The following HHLA1 variants were observed in gnomAD, a reference collection of about 807,000 sequenced individuals.
HHLA1 encodes HERV-H LTR-associating protein 1.
A neutral mutation model predicts 69.9 loss-of-function variants in HHLA1; 72 were observed. The observed-to-expected ratio is 1.03, with a 90% CI of 0.85 to 1.25. The LOEUF (loss-of-function observed/expected upper bound fraction) is 1.25, where lower values mean the gene tolerates loss of function less well. Ranked by LOEUF, HHLA1 falls within the 50% of genes most tolerant of loss-of-function variation. The pLI is 0.00. For missense variants in HHLA1, 685 were observed against 642.2 expected (o/e 1.07, Z -0.72); for synonymous variants, 252 against 233.2 (o/e 1.08, Z -0.73).
chr8:132,092,009 CAAATT>C (rs1325383205), intron 7 of HHLA1, among the ~76,000 whole-genome samples: 20 of 152,144 alleles, frequency 1.3e-4, no homozygotes, highest in African/African-American at 3.9e-4. Flanking sequence ...CAAGAGGAGA[CAAATT>C]AAATAAATCA....
rs571822545 is a variant in HHLA1, at chr8:132,069,898, C to T, written c.1469+1442G>A. ...AAAGGATCTCCTAAAGTGGGCTTAA[C>T]CTAGACAATACAGAAAGTATTGTCG... On this transcript the variant is annotated intron_variant, in intron 15 of 16. Transcript: ENST00000414222. The T allele has an allele frequency of 3.8e-4, 58 of 154,610 alleles. 1 individual carries two copies. Among genetic ancestry groups the T allele is most frequent in the Middle Eastern group, 6.6e-3 (2 of 304 alleles). 9.6% of individuals were successfully genotyped at this position (154,610 alleles called of 1,614,324 possible). A position where few individuals can be genotyped will look rare whatever the true frequency, so the allele number is the denominator to read the frequency against.
At chr8:132,101,529 A>T (rs1268895199) in intron 3 of HHLA1, among the ~76,000 whole-genome samples, 1 of 152,142 alleles carries the variant, frequency 6.6e-6, no homozygotes, top group African/African-American at 2.4e-5. Flanking sequence ...TAATTTATTA[A>T]AATTCATTTA....
intron 14 of HHLA1, among the ~76,000 whole-genome samples, chr8:132,072,052 GA>G (rs1823555715): frequency 6.6e-6 from 1 of 152,156 alleles, no homozygotes; most frequent in Admixed American, 6.6e-5. Flanking sequence ...AGGGCAGGTT[GA>G]AAGATGAGAC....
intron 10 of HHLA1, among the ~76,000 whole-genome samples, chr8:132,086,104 G>T (rs1823856279): frequency 6.6e-6 from 1 of 152,086 alleles, no homozygotes; most frequent in South Asian, 2.1e-4. Flanking sequence ...TAATTCAGAG[G>T]GAAATCTACC....
chr8:132,083,482 A>G (rs1347810302), intron 10 of HHLA1, among the ~76,000 whole-genome samples: 2 of 152,116 alleles, frequency 1.3e-5, no homozygotes, highest in South Asian at 2.1e-4. Context: ...CTTCCGAGGC[A>G]ATCGGGCAGT....
intron 10 of HHLA1, chr8:132,080,217 C>G: frequency 1.7e-6 from 1 of 585,984 alleles, no homozygotes; most frequent in Non-Finnish European, 3.2e-6. Flanking sequence ...CCTCCATATG[C>G]CTTATGGATA....
chr8:132,077,791 A>C lies in HHLA1; in HGVS notation c.1106T>G (p.Leu369Arg), dbSNP rs1045649481. 3.3e-5 allele frequency: 51 copies of C among 1,551,522 alleles called. No individual in the cohort carries two copies. Among genetic ancestry groups the C allele is most frequent in the Non-Finnish European group, 4.4e-5 (50 of 1,146,984 alleles). The change falls in exon 12 of 17, where the codon CTT becomes CGT. Residue 369 changes from leucine to arginine, a missense_variant. By Grantham distance (102) the Leu-to-Arg change is moderately radical (BLOSUM62 -2). Transcript: ENST00000414222. The part of the protein sequence containing the change: ...GTEEAMNTTS[L>R]LAPAAEIMAT... ...CATTATCTCAGCAGCAGGCGCCAAAAGGCTTGTAGTGTTCATGGCTTCCTC... is the reference window on the plus strand; with the variant it reads ...CATTATCTCAGCAGCAGGCGCCAAACGGCTTGTAGTGTTCATGGCTTCCTC...
chr8:132,098,899 A>G lies in HHLA1; in HGVS notation c.263T>C (p.Leu88Pro). The G allele has an allele frequency of 6.5e-7, 1 of 1,550,338 alleles. No homozygotes were observed. Residue 88 changes from leucine to proline, a missense_variant, in exon 5 of 17, where the codon CTC (leucine) becomes CCC (proline). Physicochemically the swap from Leu to Pro is moderately conservative, Grantham distance 98 (BLOSUM62 -3). Transcript: ENST00000414222. ...LNLTELVNGM[L>P]SRALKDSKKF... ...ATGATTACCTTTTAACGCTCTACTG[A>G]GCATCCCATTCACAAGCTCTGTCAG... is the stretch of plus-strand genomic sequence containing the variant.
chr8:132,080,707 A>G (rs1429251951), intron 10 of HHLA1: 1 of 152,626 alleles, frequency 6.6e-6, no homozygotes, highest in Non-Finnish European at 1.5e-5. Context: ...TTCTTATATT[A>G]ATAAGAAAAA....
chr8:132,067,573 T>C (rs1439567648), intron 15 of HHLA1, among the ~76,000 whole-genome samples: 1 of 152,034 alleles, frequency 6.6e-6, no homozygotes, highest in African/African-American at 2.4e-5. Flanking sequence ...AGCTACAACA[T>C]GTCAAGGGTG....
At chr8:132,101,356 G>A (rs1824107575) in intron 3 of HHLA1, 3 of 1,478,146 alleles carry the variant, frequency 2.0e-6, no homozygotes, top group South Asian at 1.4e-5. Flanking sequence ...AAATCATCTT[G>A]TCCAACACTT....
At chr8:132,106,329 T>A (rs779985098) in intron 1 of HHLA1, among the ~76,000 whole-genome samples, 9 of 152,230 alleles carry the variant, frequency 5.9e-5, no homozygotes, top group Non-Finnish European at 1.3e-4. Context: ...GGGAAGGCCC[T>A]GTGGAATTTT....
intron 15 of HHLA1, chr8:132,069,801 CCA>C (rs1449265311): frequency 1.3e-5 from 2 of 151,906 alleles, no homozygotes; most frequent in African/African-American, 4.8e-5. Flanking sequence ...CTCTAGATCC[CCA>C]TGGCTTGGGA....
chr8:132,097,006 C>A (rs1259701532), intron 5 of HHLA1, among the ~76,000 whole-genome samples: 1 of 152,042 alleles, frequency 6.6e-6, no homozygotes, highest in Non-Finnish European at 1.5e-5. Flanking sequence ...AAATTTGTTA[C>A]CCACTGTGAT....
chr8:132,083,225 C>T (rs1397902301), intron 10 of HHLA1, among the ~76,000 whole-genome samples: 2 of 152,106 alleles, frequency 1.3e-5, no homozygotes, highest in Admixed American at 1.3e-4. Flanking sequence ...GGGAAATGCA[C>T]AGGTGGGGAT....
chr8:132,070,313 T>C (rs1430713527), intron 15 of HHLA1: 2 of 702,038 alleles, frequency 2.8e-6, no homozygotes, highest in Admixed American at 2.0e-5. Flanking sequence ...TAAAACAGGT[T>C]CTGCTTTTTA....
intron 10 of HHLA1, among the ~76,000 whole-genome samples, chr8:132,084,596 C>T (rs1361778511): frequency 3.9e-5 from 6 of 152,156 alleles, no homozygotes; most frequent in East Asian, 3.9e-4. Flanking sequence ...TGGGGTCAAG[C>T]GGCATTGCAG....
chr8:132,102,165 A>G (rs1306902273), intron 3 of HHLA1, among the ~76,000 whole-genome samples: 1 of 152,222 alleles, frequency 6.6e-6, no homozygotes, highest in African/African-American at 2.4e-5. Context: ...GTTATTGCAT[A>G]TGGCACCGTT....
intron 1 of HHLA1, among the ~76,000 whole-genome samples, chr8:132,105,818 G>A (rs35912230): frequency 0.19 from 28,846 of 152,178 alleles, 2,780 homozygotes; most frequent in East Asian, 0.22. Context: ...TCTGGCTGTT[G>A]AGATGGGAAA....
Sources: allele counts gnomAD v4.1 joint callset (sites outside exome capture counted in the v4.1 genomes callset), GRCh38; gene constraint gnomAD v4.1.1; transcripts MANE v1.5; gene names NCBI Gene and HGNC (gene_info 2026-07-23, HGNC 2026-07-21).